Variants in LARS2 observed in about 807,000 individuals in gnomAD.
The protein encoded by LARS2 is leucyl-tRNA synthetase 2, mitochondrial, also known as leucine--tRNA ligase, mitochondrial.
LARS2 carries 81 observed loss-of-function variants against 116.6 expected under a neutral mutation model. That is an observed-to-expected ratio of 0.69 (90% CI 0.58 to 0.84). The LOEUF is 0.84. LARS2 is among the 40% of genes least tolerant of loss of function. The pLI is 0.00. For missense variants in LARS2, 968 were observed against 1,114.5 expected, an observed-to-expected ratio of 0.87 and a Z score of 1.87; for synonymous variants, 396 against 407.2, an observed-to-expected ratio of 0.97 and a Z score of 0.33.
chr3:45,464,667 G>A (rs954917105), intron 8 of LARS2, among the ~76,000 whole-genome samples: 14 of 152,116 alleles, frequency 9.2e-5, no homozygotes, highest in African/African-American at 2.9e-4. Context: ...TCCTGTTTGT[G>A]CGTCAAAGCA....
chr3:45,473,323 A>G (rs992703635), intron 8 of LARS2, among the ~76,000 whole-genome samples: 1 of 152,112 alleles, frequency 6.6e-6, no homozygotes, highest in African/African-American at 2.4e-5. Context: ...GTTTGCATAG[A>G]TAGATGACAA....
At chr3:45,403,130 A>AAAAAAAAAAAT (rs1456792064) in intron 4 of LARS2, among the ~76,000 whole-genome samples, 117 of 150,406 alleles carry the variant, frequency 7.8e-4, no homozygotes, top group African/African-American at 2.5e-3. Context: ...AAAAAAAAAA[A>AAAAAAAAAAAT]AGAAAGATGT....
chr3:45,436,443 C>T (rs897587016), intron 6 of LARS2, among the ~76,000 whole-genome samples: 1 of 151,972 alleles, frequency 6.6e-6, no homozygotes, highest in East Asian at 1.9e-4. Context: ...CAACTCAAAC[C>T]AATTAATCTC....
chr3:45,488,712 G>C lies in LARS2; in HGVS notation c.1139G>C (p.Ser380Thr), dbSNP rs1301281375. ...LDSKIGIPST[S>T]SEDTILAQTL... ...CTCTGAATAGGAATTCCCAGTACTA[G>C]CTCAGAGGACACCATCTTAGCCCAA... Residue 380 changes from serine (S) to threonine (T), a missense_variant, in exon 12 of 22, where the codon AGC becomes ACC. Transcript: ENST00000645846. 6.2e-7 allele frequency: 1 copy of C among 1,609,602 alleles called. No individual in the cohort carries two copies. The highest frequency in any genetic ancestry group is 1.1e-5 in the South Asian group (1 of 91,012).
chr3:45,531,249 T>C (rs1187695091), intron 20 of LARS2, among the ~76,000 whole-genome samples: 1 of 152,076 alleles, frequency 6.6e-6, no homozygotes, highest in Admixed American at 6.5e-5. Context: ...GATAAAAAAC[T>C]ATAAGAAAGA....
chr3:45,427,825 C>T (rs78917934), intron 6 of LARS2, among the ~76,000 whole-genome samples: 5 of 141,778 alleles, frequency 3.5e-5, no homozygotes, highest in South Asian at 2.3e-4. Context: ...CCTTTTTTTT[C>T]TTTTTTTTTT....
intron 12 of LARS2, among the ~76,000 whole-genome samples, 188 bp from the exon 13 acceptor site, chr3:45,491,329 A>G (rs1699910972): frequency 6.6e-6 from 1 of 152,218 alleles, no homozygotes; most frequent in African/African-American, 2.4e-5. Context: ...AATTTTTAAT[A>G]TTATCTGAAG....
rs1407380081 is a variant in LARS2 at position 45,477,333 on chromosome 3, G to A, written c.1018+706G>A. On this transcript the variant is annotated intron_variant, in intron 10 of 21. Coordinates refer to ENST00000645846, the MANE Select transcript of LARS2 (RefSeq NM_015340.4). ...CAGTCCGAAGGGGGACTTGGAGAGT[G>A]CAGCCCCAAGAGTTTGGAGAACAGG... Among the ~76,000 whole-genome samples the A allele has an allele frequency of 4.6e-5, 7 of 152,214 alleles. No individual in the cohort carries two copies. In the East Asian group the frequency reaches 1.3e-3, roughly 29 times the overall value.
chr3:45,435,070 C>G (rs1304032427), intron 6 of LARS2, among the ~76,000 whole-genome samples: 1 of 152,204 alleles, frequency 6.6e-6, no homozygotes, highest in Non-Finnish European at 1.5e-5. Context: ...TGTCAGTTCT[C>G]TAGGTTTCCT....
At chr3:45,473,071 T>A (rs779369289) in intron 8 of LARS2, among the ~76,000 whole-genome samples, 9 of 152,146 alleles carry the variant, frequency 5.9e-5, no homozygotes, top group Non-Finnish European at 1.2e-4. Flanking sequence ...CCAGGCCCTG[T>A]GTGGAATATA....
chr3:45,528,173 C>T (rs1016025192), intron 20 of LARS2, among the ~76,000 whole-genome samples: 2 of 151,946 alleles, frequency 1.3e-5, no homozygotes, highest in Admixed American at 6.6e-5. Flanking sequence ...CCCATCTCTA[C>T]AAAAAATTTT....
At chr3:45,417,732 T>C (rs1200207391) in intron 5 of LARS2, among the ~76,000 whole-genome samples, 159 bp downstream of exon 5, 1 of 152,252 alleles carries the variant, frequency 6.6e-6, no homozygotes, top group East Asian at 1.9e-4. Context: ...TTTAACATAT[T>C]GTATTCTTAT....
intron 10 of LARS2, among the ~76,000 whole-genome samples, chr3:45,479,258 T>C (rs560364478): frequency 7.2e-5 from 11 of 152,176 alleles, no homozygotes; most frequent in Non-Finnish European, 1.2e-4. Flanking sequence ...AGAGCTTGTA[T>C]TGGGGCTGTC....
intron 18 of LARS2, among the ~76,000 whole-genome samples, chr3:45,519,958 T>C (rs969506140): frequency 6.6e-6 from 1 of 152,120 alleles, no homozygotes; most frequent in Non-Finnish European, 1.5e-5. Flanking sequence ...ACTAGCACTG[T>C]TTTTCTAAGC....
chr3:45,427,213 G>C (rs548515260), intron 6 of LARS2, among the ~76,000 whole-genome samples: 1 of 152,268 alleles, frequency 6.6e-6, no homozygotes, highest in South Asian at 2.1e-4. Context: ...GATACGATGG[G>C]CATCAGGAGT....
intron 6 of LARS2, among the ~76,000 whole-genome samples, chr3:45,424,728 C>T (rs9864402): frequency 0.084 from 12,807 of 152,198 alleles, 786 homozygotes; most frequent in African/African-American, 0.16. Context: ...GAGTGTATCT[C>T]AGTGTCAATT....
intron 4 of LARS2, 68 bp from the exon 5 acceptor site, chr3:45,417,414 C>T: frequency 8.3e-7 from 1 of 1,211,078 alleles, no homozygotes. Flanking sequence ...CTGAGTTTGC[C>T]CCAGAAGACA....
At chr3:45,400,770 C>A (rs753989270) in intron 4 of LARS2, among the ~76,000 whole-genome samples, 2 of 152,098 alleles carry the variant, frequency 1.3e-5, no homozygotes, top group Non-Finnish European at 2.9e-5. Context: ...CAAGATATTT[C>A]TTTCTGTTCT....
At chr3:45,492,977 A>G (rs1485368281) in intron 13 of LARS2, among the ~76,000 whole-genome samples, 1 of 152,102 alleles carries the variant, frequency 6.6e-6, no homozygotes, top group Non-Finnish European at 1.5e-5. Flanking sequence ...CCTACCAGAG[A>G]TGTTGGTGGC....
Sources: gnomAD v4.1 joint callset for allele counts (sites outside exome capture counted in the v4.1 genomes callset) on GRCh38, gnomAD v4.1.1 for gene constraint, MANE v1.5 for transcripts, NCBI Gene and HGNC (gene_info 2026-07-23, HGNC 2026-07-21) for gene names.